Variants in WARS2 observed in about 807,000 individuals in gnomAD.
WARS2 encodes tryptophanyl tRNA synthetase 2, mitochondrial, also known as tryptophan--tRNA ligase, mitochondrial.
In WARS2, 28 loss-of-function variants were observed where a neutral mutation model predicts 36.5. That is an observed-to-expected ratio of 0.77 (90% CI 0.57 to 1.05). The LOEUF is 1.05. WARS2 is among the 50% of genes least tolerant of loss of function. WARS2 has a pLI of 0.00. For synonymous variants in WARS2, 174 were observed against 178.4 expected, an observed-to-expected ratio of 0.98 and a Z score of 0.20; for missense variants, 435 against 456.8, an observed-to-expected ratio of 0.95 and a Z score of 0.44.
At chr1:119,076,281 C>A in intron 2 of WARS2, 69 bp downstream of exon 2, 1 of 1,569,834 alleles carries the variant, frequency 6.4e-7, no homozygotes, top group Non-Finnish European at 8.7e-7. Flanking sequence ...GCTGTATGAA[C>A]CATTCAACAT....
chr1:119,112,724 C>G (rs193089436), intron 1 of WARS2, among the ~76,000 whole-genome samples: 2 of 152,140 alleles, frequency 1.3e-5, no homozygotes, highest in Non-Finnish European at 2.9e-5. Context: ...GAGAGTGGGG[C>G]AAGCCAATTT....
intron 4 of WARS2, among the ~76,000 whole-genome samples, chr1:119,034,635 T>A (rs1647717249): frequency 6.6e-6 from 1 of 152,154 alleles, no homozygotes; most frequent in Admixed American, 6.5e-5. Context: ...CCCACCCCAC[T>A]CTTCAAATCA....
intron 2 of WARS2, among the ~76,000 whole-genome samples, chr1:119,056,279 T>C (rs1649802950): frequency 1.3e-5 from 2 of 149,316 alleles, no homozygotes; most frequent in African/African-American, 4.9e-5. Flanking sequence ...TCAAGCGATC[T>C]GCCTGCCATG....
chr1:119,137,734 A>C (rs1284467913), intron 1 of WARS2, among the ~76,000 whole-genome samples: 1 of 152,186 alleles, frequency 6.6e-6, no homozygotes, highest in Non-Finnish European at 1.5e-5. Flanking sequence ...GTCAGGCAAC[A>C]CCTGGCAAAA....
chr1:119,110,977 C>A (rs892338300), intron 1 of WARS2, among the ~76,000 whole-genome samples: 2 of 152,130 alleles, frequency 1.3e-5, no homozygotes, highest in Non-Finnish European at 2.9e-5. Context: ...TGATCTCTAG[C>A]ATTTTAAAAC....
intron 1 of WARS2, among the ~76,000 whole-genome samples, chr1:119,114,681 T>A (rs1390725101): frequency 6.6e-6 from 1 of 152,138 alleles, no homozygotes; most frequent in African/African-American, 2.4e-5. Flanking sequence ...GAAAAGTAAT[T>A]TTCATGGGTA....
At chr1:119,047,089 G>C (rs1433262879) in intron 2 of WARS2, among the ~76,000 whole-genome samples, 2 of 152,076 alleles carry the variant, frequency 1.3e-5, no homozygotes, top group Non-Finnish European at 2.9e-5. Flanking sequence ...TTTCATTCAG[G>C]GCAGTGACAT....
intron 2 of WARS2, among the ~76,000 whole-genome samples, chr1:119,055,529 C>T (rs1649706316): frequency 6.6e-6 from 1 of 152,116 alleles, no homozygotes; most frequent in African/African-American, 2.4e-5. Context: ...ATAGTCCCAG[C>T]TACTTGGGAG....
chr1:119,048,262 C>T (rs1649023181), intron 2 of WARS2, among the ~76,000 whole-genome samples: 1 of 152,186 alleles, frequency 6.6e-6, no homozygotes, highest in African/African-American at 2.4e-5. Context: ...AATGCAAGTT[C>T]TGCCACTTAG....
chr1:119,090,129 G>GAA (rs71070784), intron 1 of WARS2, among the ~76,000 whole-genome samples: 1 of 139,828 alleles, frequency 7.2e-6, no homozygotes, highest in Non-Finnish European at 1.6e-5. Context: ...CTTTAAAGTT[G>GAA]AAAAAAAAAA....
intron 1 of WARS2, chr1:119,085,493 T>G (rs780551012): frequency 6.3e-7 from 1 of 1,576,872 alleles, no homozygotes; most frequent in African/African-American, 1.4e-5. Flanking sequence ...GCTTTTTTGT[T>G]GGTTTTTCAT....
intron 2 of WARS2, among the ~76,000 whole-genome samples, chr1:119,048,510 C>T (rs943903899): frequency 1.1e-4 from 17 of 152,120 alleles, no homozygotes; most frequent in African/African-American, 3.9e-4. Context: ...TGATCCCGTA[C>T]GCCCTTAACC....
intron 2 of WARS2, among the ~76,000 whole-genome samples, chr1:119,072,395 G>A (rs1417584328): frequency 6.6e-6 from 1 of 152,096 alleles, no homozygotes; most frequent in Non-Finnish European, 1.5e-5. Context: ...ACAGATTAGT[G>A]TAAAGAGAAA....
chr1:119,098,461 G>A (rs1008626682), intron 1 of WARS2, among the ~76,000 whole-genome samples: 1 of 152,114 alleles, frequency 6.6e-6, no homozygotes, highest in African/African-American at 2.4e-5. Context: ...TTTTGAGACA[G>A]AGTTTAGCTC....
chr1:119,085,173 C>T, intron 1 of WARS2: 3 of 800,898 alleles, frequency 3.7e-6, no homozygotes, highest in Admixed American at 3.4e-5. Context: ...GTCCTTATCC[C>T]TGGTCTTTTC....
chr1:119,122,584 T>A (rs1367034971), intron 1 of WARS2, among the ~76,000 whole-genome samples: 1 of 152,130 alleles, frequency 6.6e-6, no homozygotes, highest in Non-Finnish European at 1.5e-5. Context: ...GAAAAAGATA[T>A]GTAGACACAC....
At chr1:119,078,963 CAT>C (rs1557965489) in intron 1 of WARS2, among the ~76,000 whole-genome samples, 2 of 142,698 alleles carry the variant, frequency 1.4e-5, no homozygotes, top group Non-Finnish European at 3.1e-5. Context: ...CACACACACA[CAT>C]ATGCATATAC....
At chr1:119,090,723 A>G (rs1295806774) in intron 1 of WARS2, among the ~76,000 whole-genome samples, 1 of 152,078 alleles carries the variant, frequency 6.6e-6, no homozygotes, top group East Asian at 1.9e-4. Context: ...AAAAAATAAA[A>G]ATACACAAAT....
At chr1:119,107,318 A>C (rs1013704181) in intron 1 of WARS2, among the ~76,000 whole-genome samples, 4 of 152,142 alleles carry the variant, frequency 2.6e-5, no homozygotes, top group African/African-American at 7.2e-5. Context: ...AATGAAGTGC[A>C]GCTTAGCAAT....
Sources: allele counts gnomAD v4.1 joint callset (sites outside exome capture counted in the v4.1 genomes callset), GRCh38; gene constraint gnomAD v4.1.1; transcripts MANE v1.5; gene names NCBI Gene and HGNC (gene_info 2026-07-23, HGNC 2026-07-21).